Variants in WDR43 observed in about 807,000 individuals in gnomAD.
WDR43 encodes WD repeat-containing protein 43.
Under a neutral mutation model 91.4 loss-of-function variants are expected in WDR43, and 13 were observed. That is an observed-to-expected ratio of 0.14 (90% CI 0.09 to 0.23). The LOEUF (loss-of-function observed/expected upper bound fraction) is 0.23. WDR43 is among the 10% of genes least tolerant of loss of function. The pLI is 1.00. For synonymous variants in WDR43, 331 were observed against 287.9 expected (o/e 1.15, Z -1.51); for missense variants, 780 against 809.4 (o/e 0.96, Z 0.44).
chr2:28,920,360 G>A lies in WDR43; in HGVS notation c.849+2365G>A, dbSNP rs565797646. Among the ~76,000 whole-genome samples the A allele has an allele frequency of 2.0e-5, 3 of 150,536 alleles. No individual in the cohort carries two copies. The South Asian group carries it at 6.3e-4, about 32-fold the overall frequency. On this transcript the variant is annotated intron_variant, in intron 6 of 17. Coordinates refer to ENST00000407426, the MANE Select transcript of WDR43 (RefSeq NM_015131.3). Reference sequence around the variant, plus strand: ...TCTGCCTCAATATCCCAAGTAGCTGGGATTACAGGTGCATATCACCACGCC... The same window carrying A: ...TCTGCCTCAATATCCCAAGTAGCTGAGATTACAGGTGCATATCACCACGCC...
intron 11 of WDR43, among the ~76,000 whole-genome samples, chr2:28,931,229 A>G (rs6547897): frequency 0.72 from 109,826 of 151,856 alleles, 39,830 homozygotes; most frequent in East Asian, 0.85. Context: ...TTACAGGCGC[A>G]TGCCACCATG....
chr2:28,909,339 G>A (rs1670745365), intron 3 of WDR43, among the ~76,000 whole-genome samples: 1 of 151,976 alleles, frequency 6.6e-6, no homozygotes, highest in Admixed American at 6.6e-5. Flanking sequence ...CAGCATGTTG[G>A]TCAGGCTGGT....
At chr2:28,908,834 C>G (rs1021860204) in intron 3 of WDR43, among the ~76,000 whole-genome samples, 5 of 152,248 alleles carry the variant, frequency 3.3e-5, no homozygotes, top group South Asian at 4.1e-4. Flanking sequence ...CCAGTTCTCT[C>G]AATATTGTTG....
At chr2:28,921,979 G>C (rs2148189554) in intron 6 of WDR43, among the ~76,000 whole-genome samples, 1 of 152,304 alleles carries the variant, frequency 6.6e-6, no homozygotes, top group Middle Eastern at 3.4e-3. Context: ...CAAAGTGCTG[G>C]GATTACAGGC....
intron 6 of WDR43, among the ~76,000 whole-genome samples, chr2:28,919,989 G>A (rs6714560): frequency 0.72 from 109,613 of 151,580 alleles, 39,737 homozygotes; most frequent in East Asian, 0.85. Flanking sequence ...TATAGACTGC[G>A]CTACCATGCC....
At position 28,926,613 on chromosome 2, in the gene WDR43, A is replaced by G. The variant is rs1224440616; in HGVS notation, c.1173+59A>G. 20 of 1,384,990 alleles carry G rather than the reference A, an allele frequency of 1.4e-5. No homozygotes were observed. In the South Asian group the frequency reaches 2.4e-4, roughly 16 times the overall value. The allele number at this position is 1,384,990 out of a possible 1,614,324, so 85.8% of individuals were successfully genotyped here. A position where few individuals can be genotyped will look rare whatever the true frequency, so the allele number is the denominator to read the frequency against. ...AAGAATATTTCTTTGGGTGAATGGA[A>G]CTGTTACTTAGTATTATGATTAAAC... is the stretch of plus-strand genomic sequence containing the variant. On this transcript the variant is annotated intron_variant, in intron 9 of 17. Coordinates refer to ENST00000407426, the MANE Select transcript of WDR43 (RefSeq NM_015131.3).
intron 2 of WDR43, among the ~76,000 whole-genome samples, chr2:28,904,039 G>A (rs967935361): frequency 1.3e-5 from 2 of 152,044 alleles, no homozygotes; most frequent in Non-Finnish European, 2.9e-5. Context: ...TCCTGGCCTC[G>A]TGTGATCTGC....
In WDR43 at chr2:28,911,298, C is replaced by CTT. The variant is rs11384391; in HGVS notation, c.486-1280_486-1279dup. On this transcript the variant is annotated intron_variant, in intron 3 of 17. Transcript: ENST00000407426. ...TACGTTTTCTTCCACTTAATAACCTCTTTTTTTTTTTTTGAGACGGAGTCT... is the reference window on the plus strand; with the variant it reads ...TACGTTTTCTTCCACTTAATAACCTCTTTTTTTTTTTTTTTGAGACGGAGTCT... 4.8e-4 allele frequency among the ~76,000 whole-genome samples: 69 copies of CTT among 145,126 alleles called. 1 individual carries two copies. The highest frequency in any genetic ancestry group is 2.0e-3 in the East Asian group (10 of 4,958).
intron 2 of WDR43, among the ~76,000 whole-genome samples, chr2:28,903,656 C>T (rs1226304324): frequency 6.6e-6 from 1 of 152,206 alleles, no homozygotes; most frequent in Non-Finnish European, 1.5e-5. Flanking sequence ...CCCCCCTCCT[C>T]CAAGTCGAGT....
In WDR43 at chr2:28,942,435, T is replaced by C. The variant is rs967361171; in HGVS notation, c.1804+54T>C. On this transcript the variant is annotated intron_variant, in intron 16 of 17. Transcript: ENST00000407426. ...TAGAATTATAACATTCAGTTTTCAG[T>C]GACTGAGTTCTGTTATCTTTTTGAA... 6 of 1,557,336 alleles carry C rather than the reference T, an allele frequency of 3.9e-6. No individual in the cohort carries two copies. The African/African-American group carries it at 8.1e-5, about 21-fold the overall frequency.
At position 28,924,928 on chromosome 2, in the gene WDR43, TAGTA is replaced by T; in HGVS notation, c.915-53_915-50del. ...TGACTTGATGTCAGTTCCAGAGAGT[TAGTA>T]TGAGACGTTTTTTCAAATTCTTTAA... On this transcript the variant is annotated intron_variant, in intron 7 of 17. Transcript: ENST00000407426. The T allele has an allele frequency of 1.9e-6, 3 of 1,570,600 alleles. No homozygotes were observed. The Admixed American group carries it at 5.4e-5, about 28-fold the overall frequency.
chr2:28,913,112 C>T (rs1670839822), intron 4 of WDR43, among the ~76,000 whole-genome samples: 3 of 151,812 alleles, frequency 2.0e-5, no homozygotes, highest in African/African-American at 2.4e-5. Flanking sequence ...CGCCACCACG[C>T]GTGGCTAATT....
intron 4 of WDR43, 79 bp downstream of exon 4, chr2:28,912,789 A>T: frequency 6.5e-7 from 1 of 1,536,460 alleles, no homozygotes. Context: ...ACCATAAGAT[A>T]TTATTTTAAG....
intron 16 of WDR43, 70 bp downstream of exon 16, chr2:28,942,451 T>A: frequency 6.6e-7 from 1 of 1,514,664 alleles, no homozygotes; most frequent in Non-Finnish European, 9.0e-7. Flanking sequence ...AGTTCTGTTA[T>A]CTTTTTGAAA....
At chr2:28,912,529 C>T in intron 3 of WDR43, 61 bp from the exon 4 acceptor site, 3 of 1,560,782 alleles carry the variant, frequency 1.9e-6, no homozygotes, top group East Asian at 4.5e-5. Context: ...TTGTTATTTT[C>T]TGCTCTGAGT....
rs558268416 is a variant in WDR43, at chr2:28,905,996, A to T, written c.364-464A>T. Among the ~76,000 whole-genome samples the T allele has an allele frequency of 4.6e-5, 7 of 152,262 alleles. No individual in the cohort carries two copies. In the South Asian group the frequency reaches 1.0e-3, roughly 23 times the overall value. On this transcript the variant is annotated intron_variant, in intron 2 of 17. Coordinates refer to ENST00000407426, the MANE Select transcript of WDR43 (RefSeq NM_015131.3). ...TTATGATGTTGGAAAACTCAAATGG[A>T]TAGATAAAGGTTAAAGCTTTTAGTT...
intron 14 of WDR43, among the ~76,000 whole-genome samples, chr2:28,940,232 C>CT (rs950190705): frequency 8.3e-4 from 119 of 142,930 alleles, no homozygotes; most frequent in East Asian, 6.7e-3. Context: ...TGTTCTTTTT[C>CT]TTTTTTTTTT....
intron 4 of WDR43, among the ~76,000 whole-genome samples, chr2:28,913,411 G>A (rs1376602098): frequency 6.6e-6 from 1 of 152,074 alleles, no homozygotes; most frequent in East Asian, 1.9e-4. Flanking sequence ...GCTCATTGCA[G>A]CCTTGACCTC....
At position 28,927,675 on chromosome 2, in the gene WDR43, G is replaced by A; in HGVS notation, c.1280G>A (p.Ser427Asn). ...PAPPQTEQVE[S>N]KRKSGGNEVS... Reference sequence around the variant, plus strand: ...CCTCCACAAACCGAGCAAGTAGAGAGCAAGAGGAAGTCAGGGGGAAATGAG... The same window carrying A: ...CCTCCACAAACCGAGCAAGTAGAGAACAAGAGGAAGTCAGGGGGAAATGAG... Residue 427 changes from serine to asparagine, a missense_variant, in exon 10 of 18, where the codon AGC (serine) becomes AAC (asparagine). Ser to Asn is a conservative substitution (Grantham distance 46, BLOSUM62 1). Coordinates refer to ENST00000407426, the MANE Select transcript of WDR43 (RefSeq NM_015131.3). The A allele has an allele frequency of 6.2e-7, 1 of 1,613,950 alleles. No individual in the cohort carries two copies.
Sources: allele counts gnomAD v4.1 joint callset (sites outside exome capture counted in the v4.1 genomes callset), GRCh38; gene constraint gnomAD v4.1.1; transcripts MANE v1.5; gene names NCBI Gene and HGNC (gene_info 2026-07-23, HGNC 2026-07-21).